The following LGR6 variants were observed in gnomAD, a reference collection of about 807,000 sequenced individuals.
LGR6 encodes the protein leucine rich repeat containing G protein-coupled receptor 6, also known as leucine-rich repeat-containing G protein-coupled receptor 6.
A neutral mutation model predicts 69.4 loss-of-function variants in LGR6; 45 were observed. That is an observed-to-expected ratio of 0.65 (90% CI 0.51 to 0.83). The LOEUF is 0.83. Among genes scored for constraint, LGR6 ranks in the 40% least tolerant of loss-of-function variants. The pLI is 0.00. For synonymous variants in LGR6, 538 were observed against 555.0 expected (o/e 0.97, Z 0.43); for missense variants, 1,108 against 1,246.7 (o/e 0.89, Z 1.68).
At chr1:202,242,510 T>C (rs1662295405) in intron 4 of LGR6, among the ~76,000 whole-genome samples, 2 of 152,378 alleles carry the variant, frequency 1.3e-5, no homozygotes, top group South Asian at 4.1e-4. Context: ...GTGAATATCA[T>C]GCATAGAGGT....
intron 1 of LGR6, chr1:202,210,588 G>C (rs1290822250): frequency 2.0e-5 from 3 of 152,228 alleles, no homozygotes; most frequent in Non-Finnish European, 4.4e-5. Context: ...GCTGCGGTGA[G>C]GATGGAGCCG....
intron 4 of LGR6, among the ~76,000 whole-genome samples, chr1:202,247,179 C>T (rs1662779802): frequency 6.6e-6 from 1 of 152,246 alleles, no homozygotes. Flanking sequence ...TTCTGATGCA[C>T]AGCTAGGTTT....
At chr1:202,217,855 C>T (rs1659887945) in intron 1 of LGR6, among the ~76,000 whole-genome samples, 1 of 152,184 alleles carries the variant, frequency 6.6e-6, no homozygotes. Flanking sequence ...TGTTCTCACG[C>T]AGGACTCTGT....
At chr1:202,302,856 T>TAA (rs1268339886) in intron 9 of LGR6, among the ~76,000 whole-genome samples, 4 of 151,994 alleles carry the variant, frequency 2.6e-5, no homozygotes, top group African/African-American at 4.8e-5. Context: ...TGAGAACTGA[T>TAA]AGTTCTAATA....
At chr1:202,303,413 C>A in intron 10 of LGR6, 66 bp downstream of exon 10, 1 of 1,265,316 alleles carries the variant, frequency 7.9e-7, no homozygotes, top group Non-Finnish European at 1.2e-6. Context: ...CTCTTCCACT[C>A]CCTGCCCCTG....
intron 17 of LGR6, among the ~76,000 whole-genome samples, chr1:202,317,250 T>C (rs1654213669): frequency 6.6e-6 from 1 of 152,204 alleles, no homozygotes; most frequent in Admixed American, 6.5e-5. Flanking sequence ...AGCCTGTCCT[T>C]CCTTTCTTTC....
chr1:202,287,999 T>A (rs1666519194), intron 6 of LGR6, among the ~76,000 whole-genome samples: 1 of 151,652 alleles, frequency 6.6e-6, no homozygotes, highest in Non-Finnish European at 1.5e-5. Flanking sequence ...CTCATCATAC[T>A]CCAGAAAAAA....
At chr1:202,233,725 A>T (rs891670859) in intron 3 of LGR6, among the ~76,000 whole-genome samples, 21 of 152,294 alleles carry the variant, frequency 1.4e-4, no homozygotes, top group African/African-American at 4.8e-4. Flanking sequence ...GATACTAATA[A>T]TGATAATTGA....
At chr1:202,246,585 A>G (rs947402223) in intron 4 of LGR6, among the ~76,000 whole-genome samples, 1 of 151,682 alleles carries the variant, frequency 6.6e-6, no homozygotes, top group Non-Finnish European at 1.5e-5. Flanking sequence ...GGTCTGATGT[A>G]GGAATATTAG....
intron 17 of LGR6, among the ~76,000 whole-genome samples, chr1:202,316,685 T>C (rs547772653): frequency 1.3e-5 from 2 of 152,348 alleles, no homozygotes; most frequent in South Asian, 4.1e-4. Context: ...AATGTTTTCA[T>C]GTTATATTTT....
chr1:202,239,808 A>G (rs944046270), intron 4 of LGR6, among the ~76,000 whole-genome samples: 12 of 152,296 alleles, frequency 7.9e-5, no homozygotes, highest in Admixed American at 5.9e-4. Context: ...TGGGCAGACT[A>G]CTTACCCTCT....
intron 15 of LGR6, among the ~76,000 whole-genome samples, chr1:202,309,878 T>C (rs1653574769): frequency 6.6e-6 from 1 of 152,214 alleles, no homozygotes; most frequent in Non-Finnish European, 1.5e-5. Flanking sequence ...CTGTGTGAGC[T>C]TGGGGAAGCC....
intron 1 of LGR6, among the ~76,000 whole-genome samples, chr1:202,211,733 GTACATTTC>G: frequency 1.3e-5 from 2 of 152,250 alleles, no homozygotes; most frequent in Non-Finnish European, 2.9e-5. Flanking sequence ...GTATAGCTTG[GTACATTTC>G]CATAAGCAAA....
chr1:202,314,361 T>A (rs964740619), intron 16 of LGR6, among the ~76,000 whole-genome samples: 2 of 152,198 alleles, frequency 1.3e-5, no homozygotes, highest in African/African-American at 4.8e-5. Context: ...CTCGTTCACG[T>A]CTAAACACAC....
chr1:202,231,760 C>T (rs1661097001), intron 3 of LGR6, among the ~76,000 whole-genome samples: 1 of 152,196 alleles, frequency 6.6e-6, no homozygotes, highest in East Asian at 1.9e-4. Context: ...CATTACCCCT[C>T]TACATGAAAT....
At chr1:202,301,004 C>G in intron 8 of LGR6, 84 bp downstream of exon 8, 1 of 1,379,286 alleles carries the variant, frequency 7.3e-7, no homozygotes, top group Non-Finnish European at 1.0e-6. Flanking sequence ...GAGGGACTTC[C>G]CTAGGAAGCA....
chr1:202,210,365 G>A (rs1047660652), intron 1 of LGR6, among the ~76,000 whole-genome samples: 1 of 150,506 alleles, frequency 6.6e-6, no homozygotes, highest in Non-Finnish European at 1.5e-5. Flanking sequence ...AATGAGTAAA[G>A]AGATGAATGA....
chr1:202,291,492 GC>G (rs1270077927), intron 6 of LGR6, among the ~76,000 whole-genome samples: 2 of 152,208 alleles, frequency 1.3e-5, no homozygotes, highest in East Asian at 3.8e-4. Context: ...TTGAGACCCT[GC>G]ACAGTGGACT....
intron 15 of LGR6, among the ~76,000 whole-genome samples, chr1:202,309,681 G>A (rs1391153991): frequency 6.6e-6 from 1 of 152,252 alleles, no homozygotes; most frequent in East Asian, 1.9e-4. Flanking sequence ...CTAATGAGAT[G>A]CCCTTAGGGC....
Sources: gnomAD v4.1 joint callset for allele counts (sites outside exome capture counted in the v4.1 genomes callset) on GRCh38, gnomAD v4.1.1 for gene constraint, MANE v1.5 for transcripts, NCBI Gene and HGNC (gene_info 2026-07-23, HGNC 2026-07-21) for gene names.